Variants in DNAH5 observed in about 807,000 individuals in gnomAD.
DNAH5 encodes the protein axonemal beta dynein heavy chain 5.
DNAH5 carries 372 observed loss-of-function variants against 518.2 expected under a neutral mutation model. That is an observed-to-expected ratio of 0.72 (90% CI 0.66 to 0.78). The LOEUF (loss-of-function observed/expected upper bound fraction) is 0.78, where lower values mean the gene tolerates loss of function less well. Among genes scored for constraint, DNAH5 ranks in the 30% least tolerant of loss-of-function variants. The probability of loss-of-function intolerance (pLI) is 0.00; values close to 1 mark genes in which losing one functional copy is unlikely to be tolerated. For missense variants in DNAH5, 5,523 were observed against 5,687.0 expected, an observed-to-expected ratio of 0.97 and a Z score of 0.93; for synonymous variants, 2,039 against 2,025.9, an observed-to-expected ratio of 1.01 and a Z score of -0.17.
At chr5:13,938,054 T>C (rs1445718991) in intron 1 of DNAH5, among the ~76,000 whole-genome samples, 1 of 152,208 alleles carries the variant, frequency 6.6e-6, no homozygotes, top group Non-Finnish European at 1.5e-5. Flanking sequence ...GTTTTAAATT[T>C]TGTGCCCTTT....
At chr5:13,881,263 G>T (rs1771641336) in intron 21 of DNAH5, among the ~76,000 whole-genome samples, 1 of 151,792 alleles carries the variant, frequency 6.6e-6, no homozygotes, top group Non-Finnish European at 1.5e-5. Context: ...AATCAATAAA[G>T]AAATATTAGA....
intron 72 of DNAH5, among the ~76,000 whole-genome samples, 197 bp downstream of exon 72, chr5:13,718,685 A>G (rs1419349769): frequency 2.1e-4 from 32 of 152,342 alleles, no homozygotes; most frequent in Non-Finnish European, 5.9e-5. Flanking sequence ...ATAGGAAACT[A>G]GAAGGTGGGA....
At position 13,776,480 on chromosome 5, in the gene DNAH5, A is replaced by G. The variant is rs777061272; in HGVS notation, c.9332T>C (p.Ile3111Thr). The change falls in exon 55 of 79, where the codon ATT becomes ACT. Residue 3111 changes from isoleucine (I) to threonine (T), a missense_variant. Ile to Thr is a moderately conservative substitution (Grantham distance 89, BLOSUM62 -1). This residue lies in a region of DNAH5 where 5,121 missense variants were observed against 5,223.3 expected (regional missense o/e 0.98). Coordinates refer to ENST00000265104, the MANE Select transcript of DNAH5 (RefSeq NM_001369.3). ...TTTGGGCCATCGGCTGAACCAGTCA[A>G]TTGTGCATCCTGAAATTAGGGCAGG... Reference protein sequence around the residue: ...KFPALISGCTIDWFSRWPKDA... With the variant: ...KFPALISGCTTDWFSRWPKDA... 2.5e-6 allele frequency: 4 copies of G among 1,613,818 alleles called. No homozygotes were observed. The highest frequency in any genetic ancestry group is 2.5e-6 in the Non-Finnish European group (3 of 1,179,784).
chr5:13,902,746 C>T (rs1774808068), intron 12 of DNAH5, among the ~76,000 whole-genome samples: 1 of 152,118 alleles, frequency 6.6e-6, no homozygotes. Flanking sequence ...CACATCGGTG[C>T]CACACCTAGA....
rs1228966201 is a variant in DNAH5, at chr5:13,976,998, T to TC, written c.12+34649_12+34650insG. Among the ~76,000 whole-genome samples the TC allele has an allele frequency of 1.9e-4, 29 of 152,326 alleles. No homozygotes were observed. In the South Asian group the frequency reaches 2.7e-3, roughly 14 times the overall value. ...TCAAATTTATTTTGTCTCAATTCCCTAACCTTGAACGGTGTGTCACTAAAC... is the reference window on the plus strand; with the variant it reads ...TCAAATTTATTTTGTCTCAATTCCCTCAACCTTGAACGGTGTGTCACTAAAC... On this transcript the variant is annotated intron_variant, in intron 1 of 78. Coordinates refer to the DNAH5 transcript ENST00000681290.
chr5:13,803,177 T>C (rs1352629329), intron 47 of DNAH5, among the ~76,000 whole-genome samples: 2 of 152,164 alleles, frequency 1.3e-5, no homozygotes, highest in African/African-American at 2.4e-5. Flanking sequence ...ATATAAAATA[T>C]AATTAATTTT....
chr5:13,810,972 C>T (rs1410783785), intron 44 of DNAH5, among the ~76,000 whole-genome samples: 1 of 152,014 alleles, frequency 6.6e-6, no homozygotes, highest in East Asian at 1.9e-4. Context: ...GTGAAATAAG[C>T]CAGACGCAGA....
At chr5:13,754,364 A>C in intron 61 of DNAH5, 26 bp from the exon 62 acceptor site, 1 of 1,614,004 alleles carries the variant, frequency 6.2e-7, no homozygotes, top group Non-Finnish European at 8.5e-7. Flanking sequence ...ATCACAAGAA[A>C]GCTTTTACTG....
intron 65 of DNAH5, 47 bp from the exon 66 acceptor site, chr5:13,737,542 G>A (rs1180049879): frequency 8.2e-6 from 13 of 1,592,418 alleles, no homozygotes; most frequent in East Asian, 4.5e-5. Context: ...AACAACTCTT[G>A]TTGAGTATTC....
rs773466223 is a variant in DNAH5 at position 13,793,647 on chromosome 5, C to T, written c.8092G>A (p.Val2698Met). The change falls in exon 49 of 79, where the codon GTG becomes ATG. Residue 2698 changes from valine (V) to methionine (M), a missense_variant. Val to Met is a conservative substitution (Grantham distance 21). This residue lies in a region of DNAH5 where 5,121 missense variants were observed against 5,223.3 expected (regional missense o/e 0.98). Transcript: ENST00000265104. ...LEKPGEFTSI[V>M]DIQFLAAMIH... ...ATGGCTGCCAAAAACTGGATGTCCACGATGCTGGTGAACTCCCCAGGCTTC... is the reference window on the plus strand; with the variant it reads ...ATGGCTGCCAAAAACTGGATGTCCATGATGCTGGTGAACTCCCCAGGCTTC... 3.8e-5 allele frequency: 61 copies of T among 1,614,004 alleles called. No individual in the cohort carries two copies. Among genetic ancestry groups the T allele is most frequent in the African/African-American group, 6.7e-5 (5 of 74,902 alleles).
intron 1 of DNAH5, among the ~76,000 whole-genome samples, chr5:13,938,831 G>GATTT (rs909017437): frequency 6.6e-6 from 1 of 152,172 alleles, no homozygotes; most frequent in Non-Finnish European, 1.5e-5. Context: ...CAAGGACATG[G>GATTT]ATTTGATCAT....
intron 35 of DNAH5, among the ~76,000 whole-genome samples, chr5:13,832,040 C>T (rs1375961698): frequency 6.6e-6 from 1 of 152,032 alleles, no homozygotes; most frequent in Non-Finnish European, 1.5e-5. Context: ...AACTAATGGG[C>T]ACTAGGCTTG....
In DNAH5 at chr5:13,928,141, A is replaced by G; in HGVS notation, c.230T>C (p.Leu77Pro). Residue 77 changes from leucine (L) to proline (P), a missense_variant, in exon 3 of 79, where the codon CTC becomes CCC. Around this residue, in one of 3 missense-constraint regions of DNAH5, gnomAD observed 5,121 missense variants for 5,223.3 expected, o/e 0.98. Transcript: ENST00000265104. Reference sequence around the variant, plus strand: ...TTGATAGTAAAACATGAGGTGTCGGAGACCTCCAACAGCAAAAAGTTGATC... The same window carrying G: ...TTGATAGTAAAACATGAGGTGTCGGGGACCTCCAACAGCAAAAAGTTGATC... Reference protein sequence around the residue: ...RIDQLFAVGGLRHLMFYYQDV... With the variant: ...RIDQLFAVGGPRHLMFYYQDV... 1 of 1,614,050 alleles carries G rather than the reference A, an allele frequency of 6.2e-7. No homozygotes were observed. The highest frequency in any genetic ancestry group is 8.5e-7 in the Non-Finnish European group (1 of 1,179,932).
chr5:13,713,185 G>C (rs1359184351), intron 75 of DNAH5, among the ~76,000 whole-genome samples: 2 of 109,584 alleles, frequency 1.8e-5, no homozygotes, highest in African/African-American at 3.5e-5. Flanking sequence ...ATATATATAC[G>C]GACATATATA....
chr5:13,977,509 C>T (rs1782348097), intron 1 of DNAH5, among the ~76,000 whole-genome samples: 1 of 152,016 alleles, frequency 6.6e-6, no homozygotes, highest in South Asian at 2.1e-4. Context: ...ACATCCCAAG[C>T]TGCTCCAAGT....
In DNAH5 at chr5:13,882,950, C is replaced by T. The variant is rs373843575; in HGVS notation, c.3128G>A (p.Ser1043Asn). Residue 1043 changes from serine to asparagine, a missense_variant, in exon 20 of 79, where the codon AGT becomes AAT. Around this residue, in one of 3 missense-constraint regions of DNAH5, gnomAD observed 5,121 missense variants for 5,223.3 expected, o/e 0.98. Coordinates refer to ENST00000265104, the MANE Select transcript of DNAH5 (RefSeq NM_001369.3). Reference protein sequence around the residue: ...TLNKAVECIISVPKGVRQWSS... With the variant: ...TLNKAVECIINVPKGVRQWSS... The stretch of plus-strand genomic sequence containing the variant: ...CCACTGTCTGACCCCCTTAGGGACA[C>T]TGATGATGCACTCCACGGCTTTGTT... 6.2e-7 allele frequency: 1 copy of T among 1,614,052 alleles called. No individual in the cohort carries two copies. The highest frequency in any genetic ancestry group is 1.3e-5 in the African/African-American group (1 of 74,918).
intron 1 of DNAH5, among the ~76,000 whole-genome samples, chr5:13,968,460 T>C (rs947260778): frequency 3.9e-5 from 6 of 152,230 alleles, no homozygotes; most frequent in South Asian, 2.1e-4. Flanking sequence ...TTGTCGTAGA[T>C]GGCTTTTATT....
At chr5:13,715,521 C>T (rs190053559) in intron 74 of DNAH5, among the ~76,000 whole-genome samples, 18 of 152,184 alleles carry the variant, frequency 1.2e-4, no homozygotes, top group African/African-American at 4.1e-4. Flanking sequence ...AGTGCAGAGG[C>T]GGTAATATAT....
chr5:13,960,061 GA>G (rs1239069452), intron 1 of DNAH5, among the ~76,000 whole-genome samples: 1 of 149,602 alleles, frequency 6.7e-6, no homozygotes, highest in Admixed American at 6.7e-5. Flanking sequence ...GACAAGAATA[GA>G]AAAGGAGTGT....
Sources: allele counts gnomAD v4.1 joint callset (sites outside exome capture counted in the v4.1 genomes callset), GRCh38; gene constraint gnomAD v4.1.1; regional missense constraint gnomAD v4.1.1; transcripts MANE v1.5; gene names NCBI Gene and HGNC (gene_info 2026-07-23, HGNC 2026-07-21).